The following SMU1 variants were observed in gnomAD, a reference collection of about 807,000 sequenced individuals.
The protein encoded by SMU1 is SMU1 DNA replication regulator and spliceosomal factor.
Under a neutral mutation model 62.0 loss-of-function variants are expected in SMU1, and 2 were observed. The observed-to-expected ratio is 0.03, with a 90% CI of 0.01 to 0.10. SMU1 has a LOEUF of 0.10. Among genes scored for constraint, SMU1 ranks in the 10% least tolerant of loss-of-function variants. The pLI is 1.00. For missense variants in SMU1, 227 were observed against 622.1 expected (o/e 0.36, Z 6.76); for synonymous variants, 188 against 212.4 (o/e 0.89, Z 1.00).
intron 10 of SMU1, among the ~76,000 whole-genome samples, chr9:33,050,013 A>G (rs753435899): frequency 6.6e-6 from 1 of 152,224 alleles, no homozygotes; most frequent in Non-Finnish European, 1.5e-5. Flanking sequence ...AGATTTGATA[A>G]AGAACTATTA....
rs1488629447 is a variant in SMU1 at position 33,057,628 on chromosome 9, T to C, written c.837A>G (p.Leu279=). Residue 279 remains leucine (L), a synonymous_variant, in exon 7 of 12, where the codon TTA becomes TTG. Coordinates refer to ENST00000397149, the MANE Select transcript of SMU1 (RefSeq NM_018225.3). ...CMCFSRDTEM[L]ATGAQDGKIK... ...TTTTTCCATCTTGGGCCCCAGTTGC[T>C]AACATTTCTGTATCTCTGCTGAAAC... is the stretch of plus-strand genomic sequence containing the variant. 5 of 1,613,898 alleles carry C rather than the reference T, an allele frequency of 3.1e-6. No individual in the cohort carries two copies. Among genetic ancestry groups the C allele is most frequent in the African/African-American group, 1.3e-5 (1 of 74,930 alleles).
intron 4 of SMU1, among the ~76,000 whole-genome samples, chr9:33,068,440 C>T (rs1402302363): frequency 6.6e-6 from 1 of 152,132 alleles, no homozygotes; most frequent in Non-Finnish European, 1.5e-5. Context: ...TTAGGGTGTA[C>T]AATTTCTTCA....
intron 2 of SMU1, among the ~76,000 whole-genome samples, chr9:33,073,083 G>A (rs1343409107): frequency 6.6e-6 from 1 of 152,098 alleles, no homozygotes; most frequent in Non-Finnish European, 1.5e-5. Flanking sequence ...ATAGGTAGGA[G>A]CTAGTTATCA....
chr9:33,047,434 A>G, intron 11 of SMU1, 43 bp from the exon 12 acceptor site: 1 of 1,541,676 alleles, frequency 6.5e-7, no homozygotes, highest in Non-Finnish European at 8.9e-7. Flanking sequence ...CAGATCTGCA[A>G]TAAATCACTC....
intron 4 of SMU1, among the ~76,000 whole-genome samples, chr9:33,067,687 CG>C (rs1839438241): frequency 6.6e-6 from 1 of 151,692 alleles, no homozygotes; most frequent in African/African-American, 2.4e-5. Flanking sequence ...TTAGTAGAGA[CG>C]GGGTTTCACC....
rs1564021211 is a variant in SMU1 at position 33,056,245 on chromosome 9, A to G, written c.996-6T>C. 6.2e-7 allele frequency: 1 copy of G among 1,605,738 alleles called. No individual in the cohort carries two copies. The highest frequency in any genetic ancestry group is 8.5e-7 in the Non-Finnish European group (1 of 1,175,542). On this transcript the variant is annotated splice_polypyrimidine_tract_variant and splice_region_variant and intron_variant, in intron 8 of 11. Coordinates refer to ENST00000397149, the MANE Select transcript of SMU1 (RefSeq NM_018225.3). ...CAGATTTTAAACCATGAATTCTACC[A>G]AATGAAAGTAAATGAAAAGAACAAT...
chr9:33,073,474 C>T, intron 2 of SMU1, 122 bp downstream of exon 2: 1 of 629,142 alleles, frequency 1.6e-6, no homozygotes, highest in South Asian at 2.1e-5. Flanking sequence ...CAAGCCTTGC[C>T]ATTGTTGTAT....
At chr9:33,060,397 C>T (rs1839349727) in intron 6 of SMU1, 68 bp downstream of exon 6, 1 of 1,328,124 alleles carries the variant, frequency 7.5e-7, no homozygotes, top group South Asian at 1.3e-5. Flanking sequence ...GATTTAGAGG[C>T]CATAGGTAAG....
chr9:33,062,628 C>T (rs1839375822), intron 4 of SMU1, among the ~76,000 whole-genome samples: 1 of 152,004 alleles, frequency 6.6e-6, no homozygotes, highest in Non-Finnish European at 1.5e-5. Context: ...TCATATTAGT[C>T]ACAGCTATCA....
chr9:33,059,089 TTAGG>T (rs1440515602), intron 6 of SMU1, among the ~76,000 whole-genome samples: 1 of 152,142 alleles, frequency 6.6e-6, no homozygotes, highest in Non-Finnish European at 1.5e-5. Flanking sequence ...AGTACTACAA[TTAGG>T]TTAGATTGGA....
rs1191021152 is a variant in SMU1, at chr9:33,053,200, G to T, written c.1213C>A (p.Leu405Ile). The stretch of plus-strand genomic sequence containing the variant: ...AAGTGCTCAGGGTTTTTAGGAAGTA[G>T]AATCACACTGTTGACGGTAATATCT... ...GTDITVNSVI[L>I]LPKNPEHFVV... Residue 405 changes from leucine to isoleucine, a missense_variant, in exon 10 of 12, where the codon CTA becomes ATA. This residue lies in a region of SMU1 where 98 missense variants were observed against 195.9 expected (regional missense o/e 0.50). Transcript: ENST00000397149. 6.2e-7 allele frequency: 1 copy of T among 1,612,356 alleles called. No homozygotes were observed. The highest frequency in any genetic ancestry group is 8.5e-7 in the Non-Finnish European group (1 of 1,179,988).
intron 10 of SMU1, among the ~76,000 whole-genome samples, chr9:33,050,825 CAA>C (rs771666326): frequency 1.3e-5 from 1 of 78,342 alleles, no homozygotes; most frequent in Admixed American, 1.4e-4. Context: ...GACTCCATCT[CAA>C]AAAAAAAAAT....
intron 9 of SMU1, among the ~76,000 whole-genome samples, chr9:33,055,829 T>C (rs182938989): frequency 6.6e-5 from 10 of 152,328 alleles, no homozygotes; most frequent in Non-Finnish European, 1.3e-4. Flanking sequence ...ACCATGTGTA[T>C]CTGTGAATGG....
intron 8 of SMU1, 56 bp from the exon 9 acceptor site, chr9:33,056,295 G>T: frequency 6.6e-7 from 1 of 1,517,760 alleles, no homozygotes; most frequent in South Asian, 1.2e-5. Flanking sequence ...TTATGGTTGT[G>T]ACCAACGATT....
chr9:33,071,926 G>A (rs761842503), intron 2 of SMU1, 34 bp from the exon 3 acceptor site: 1 of 1,489,120 alleles, frequency 6.7e-7, no homozygotes, highest in Non-Finnish European at 8.9e-7. Context: ...AAAAACCCCA[G>A]ATGTTTCAAC....
At chr9:33,063,382 T>C (rs987231929) in intron 4 of SMU1, among the ~76,000 whole-genome samples, 6 of 152,048 alleles carry the variant, frequency 3.9e-5, no homozygotes. Context: ...GCCTAATTCA[T>C]AGAGGATAAA....
chr9:33,053,563 C>T (rs906997690), intron 9 of SMU1, among the ~76,000 whole-genome samples: 5 of 152,148 alleles, frequency 3.3e-5, no homozygotes, highest in African/African-American at 1.2e-4. Context: ...TTGCATATAA[C>T]CTATGCACAT....
intron 10 of SMU1, among the ~76,000 whole-genome samples, chr9:33,051,357 A>C (rs1001143130): frequency 6.6e-6 from 1 of 152,172 alleles, no homozygotes; most frequent in Non-Finnish European, 1.5e-5. Context: ...CTGGGAAGTG[A>C]AACTACTCTG....
intron 8 of SMU1, among the ~76,000 whole-genome samples, 193 bp from the exon 9 acceptor site, chr9:33,056,432 G>A (rs571183043): frequency 6.6e-6 from 1 of 152,278 alleles, no homozygotes; most frequent in South Asian, 2.1e-4. Context: ...AAAGAAAGAG[G>A]CTGGAAGAAA....
Sources: allele counts gnomAD v4.1 joint callset (sites outside exome capture counted in the v4.1 genomes callset), GRCh38; gene constraint gnomAD v4.1.1; regional missense constraint gnomAD v4.1.1; transcripts MANE v1.5; gene names NCBI Gene and HGNC (gene_info 2026-07-23, HGNC 2026-07-21).